SHISA9: variants seen among roughly 807,000 people sequenced by gnomAD.
SHISA9 encodes shisa family member 9.
SHISA9 carries 13 observed loss-of-function variants against 38.0 expected under a neutral mutation model. The observed-to-expected ratio is 0.34, with a 90% CI of 0.22 to 0.54. The LOEUF (loss-of-function observed/expected upper bound fraction) is 0.54, where lower values mean the gene tolerates loss of function less well. Ranked by LOEUF, SHISA9 falls within the 20% of genes least tolerant of loss-of-function variation. The pLI is 0.91. For synonymous variants in SHISA9, 275 were observed against 242.0 expected (o/e 1.14, Z -1.27); for missense variants, 538 against 575.8 (o/e 0.93, Z 0.67).
At position 13,167,051 on chromosome 16, in the gene SHISA9, TTCTC is replaced by T. The variant is rs796426976; in HGVS notation, c.692-36331_692-36328del. On this transcript the variant is annotated intron_variant, in intron 2 of 4. Transcript: ENST00000558583. ...TTTTATTCTTACTTTACTCTACTTC[TTCTC>T]TCTCTCTCTCTTTTTTCTTTTTTTT... Among the ~76,000 whole-genome samples, 33 of 147,156 alleles carry T rather than the reference TTCTC, an allele frequency of 2.2e-4. 1 individual carries two copies. The highest frequency in any genetic ancestry group is 4.8e-4 in the Admixed American group (7 of 14,448).
the SHISA9 span, among the ~76,000 whole-genome samples, chr16:13,404,615 T>C: frequency 6.6e-6 from 1 of 152,072 alleles, no homozygotes; most frequent in African/African-American, 2.4e-5. Context: ...GCTGCAGAGA[T>C]GGGTAGGGAT....
the SHISA9 span, among the ~76,000 whole-genome samples, chr16:13,368,080 A>C: frequency 6.6e-6 from 1 of 152,148 alleles, no homozygotes; most frequent in Non-Finnish European, 1.5e-5. Flanking sequence ...ACAGATTGGC[A>C]ATTTCCTACT....
the SHISA9 span, among the ~76,000 whole-genome samples, chr16:13,260,007 C>CTTTCTTTTTTTT: frequency 7.9e-4 from 48 of 60,446 alleles, 1 homozygote; most frequent in Non-Finnish European, 8.8e-4. Context: ...TTCTTTCTTT[C>CTTTCTTTTTTTT]TTTTTTTTTT....
the SHISA9 span, among the ~76,000 whole-genome samples, chr16:13,339,673 G>A: frequency 6.6e-6 from 1 of 152,120 alleles, no homozygotes; most frequent in East Asian, 1.9e-4. Context: ...GAAAGAGAGA[G>A]AGTATAACAG....
At chr16:13,362,414 G>A in the SHISA9 span, among the ~76,000 whole-genome samples, 260 of 152,060 alleles carry the variant, frequency 1.7e-3, 1 homozygote, top group Admixed American at 3.7e-3. Context: ...GGCAACAGAG[G>A]GAGACCCTGT....
the SHISA9 span, among the ~76,000 whole-genome samples, chr16:13,503,570 C>G: frequency 1.3e-5 from 2 of 152,044 alleles, no homozygotes; most frequent in Non-Finnish European, 2.9e-5. Context: ...AGAGGCAAAA[C>G]TGAGAGCTGC....
chr16:13,273,953 C>T, the SHISA9 span, among the ~76,000 whole-genome samples: 301 of 152,258 alleles, frequency 2.0e-3, no homozygotes, highest in Non-Finnish European at 3.0e-3. Flanking sequence ...GAAAATACCA[C>T]TGTTGAAAGA....
At chr16:13,461,752 C>T in the SHISA9 span, among the ~76,000 whole-genome samples, 64 of 150,926 alleles carry the variant, frequency 4.2e-4, no homozygotes, top group Non-Finnish European at 6.9e-4. Flanking sequence ...TAGCTGGGAC[C>T]ACAGGCGCCC....
the SHISA9 span, among the ~76,000 whole-genome samples, chr16:13,486,327 C>G: frequency 1.3e-5 from 2 of 152,158 alleles, no homozygotes; most frequent in African/African-American, 4.8e-5. Flanking sequence ...TTCATGAGAG[C>G]ACTCAGAAGT....
At chr16:13,211,415 C>T (rs1391916965) in intron 3 of SHISA9, among the ~76,000 whole-genome samples, 1 of 152,008 alleles carries the variant, frequency 6.6e-6, no homozygotes, top group Non-Finnish European at 1.5e-5. Context: ...CATACAGTGA[C>T]ATACACAGTT....
chr16:12,972,795 G>C (rs950876390), intron 2 of SHISA9, among the ~76,000 whole-genome samples: 1 of 152,150 alleles, frequency 6.6e-6, no homozygotes, highest in Non-Finnish European at 1.5e-5. Context: ...GCAGTGGATG[G>C]TAAGATTGGG....
chr16:13,477,144 C>T, the SHISA9 span, among the ~76,000 whole-genome samples: 2 of 152,110 alleles, frequency 1.3e-5, no homozygotes, highest in African/African-American at 4.8e-5. Context: ...AGGAACTGGA[C>T]TTGTCGCTGG....
intron 2 of SHISA9, among the ~76,000 whole-genome samples, chr16:13,078,011 G>A (rs980782692): frequency 6.6e-6 from 1 of 152,178 alleles, no homozygotes; most frequent in Non-Finnish European, 1.5e-5. Flanking sequence ...AATCCCAGGG[G>A]ACTGGCTTTA....
the SHISA9 span, among the ~76,000 whole-genome samples, chr16:13,530,270 C>A: frequency 6.6e-6 from 1 of 152,098 alleles, no homozygotes; most frequent in South Asian, 2.1e-4. Flanking sequence ...CACTGCACTC[C>A]CGCCTGGGTG....
chr16:13,046,869 T>A (rs185978618), intron 2 of SHISA9, among the ~76,000 whole-genome samples: 21 of 152,312 alleles, frequency 1.4e-4, no homozygotes, highest in African/African-American at 5.1e-4. Context: ...CTCAGCCTTA[T>A]GCTTCAGTAG....
At chr16:13,158,564 C>T (rs1356285562) in intron 2 of SHISA9, among the ~76,000 whole-genome samples, 1 of 152,200 alleles carries the variant, frequency 6.6e-6, no homozygotes, top group Non-Finnish European at 1.5e-5. Context: ...GTCCCTGTTA[C>T]TTGGGCTACC....
At chr16:13,180,157 T>A (rs1055947738) in intron 2 of SHISA9, among the ~76,000 whole-genome samples, 1 of 152,248 alleles carries the variant, frequency 6.6e-6, no homozygotes, top group Non-Finnish European at 1.5e-5. Flanking sequence ...ATGTAGACAC[T>A]GTTTAACACT....
chr16:13,355,722 C>T, the SHISA9 span, among the ~76,000 whole-genome samples: 15 of 152,120 alleles, frequency 9.9e-5, 1 homozygote, highest in South Asian at 4.2e-4. Context: ...GGGTAGCCTC[C>T]GTATTGATTA....
chr16:13,200,632 A>C (rs2050998176), intron 2 of SHISA9, among the ~76,000 whole-genome samples: 1 of 80,426 alleles, frequency 1.2e-5, no homozygotes, highest in Non-Finnish European at 2.8e-5. Context: ...TGAAAGCCAT[A>C]CCTTATCAAC....
Sources: allele counts gnomAD v4.1 joint callset (sites outside exome capture counted in the v4.1 genomes callset), GRCh38; gene constraint gnomAD v4.1.1; transcripts MANE v1.5; gene names NCBI Gene and HGNC (gene_info 2026-07-23, HGNC 2026-07-21).